ATXN2: variants seen among roughly 807,000 people sequenced by gnomAD.
ATXN2 encodes ataxin 2.
ATXN2 carries 37 observed loss-of-function variants against 138.6 expected under a neutral mutation model. The observed-to-expected ratio is 0.27, with a 90% CI of 0.21 to 0.35. ATXN2 has a LOEUF of 0.35. Among genes scored for constraint, ATXN2 ranks in the 10% least tolerant of loss-of-function variants. The pLI is 1.00. For missense variants in ATXN2, 1,216 were observed against 1,480.3 expected (o/e 0.82, Z 2.93); for synonymous variants, 549 against 543.7 (o/e 1.01, Z -0.13).
At chr12:111,507,872 T>C (rs1404289621) in intron 14 of ATXN2, among the ~76,000 whole-genome samples, 1 of 152,238 alleles carries the variant, frequency 6.6e-6, no homozygotes, top group Non-Finnish European at 1.5e-5. Context: ...CCCAACCCTG[T>C]GCTCTCTGAA....
At chr12:111,555,748 A>G in intron 2 of ATXN2, 135 bp downstream of exon 2, 2 of 691,530 alleles carry the variant, frequency 2.9e-6, no homozygotes, top group South Asian at 4.0e-5. Flanking sequence ...ATAGGCTAAT[A>G]ACATACTTAA....
In ATXN2 at chr12:111,586,811, G is replaced by A. The variant is rs566838066; in HGVS notation, c.251+11973C>T. Among the ~76,000 whole-genome samples, 10 of 152,064 alleles carry A rather than the reference G, an allele frequency of 6.6e-5. No individual in the cohort carries two copies. The South Asian group carries it at 1.5e-3, about 22-fold the overall frequency. On this transcript the variant is annotated intron_variant, in intron 1 of 24. Transcript: ENST00000673436. ...GCTGGGATTACAAGCGTGAGCCACC[G>A]CACCCAGCTAAGTCTTTCAACTTTC... is the stretch of plus-strand genomic sequence containing the variant.
chr12:111,520,888 G>A lies in ATXN2; in HGVS notation c.782C>T (p.Ser261Leu), dbSNP rs1592857396. 5 of 1,554,292 alleles carry A rather than the reference G, an allele frequency of 3.2e-6. No homozygotes were observed. Among genetic ancestry groups the A allele is most frequent in the Non-Finnish European group, 4.4e-6 (5 of 1,145,996 alleles). Residue 261 changes from serine to leucine, a missense_variant, in exon 7 of 25, where the codon TCG becomes TTG. By Grantham distance (145) the Ser-to-Leu change is moderately radical. Around this residue, in one of 4 missense-constraint regions of ATXN2, gnomAD observed 401 missense variants for 528.1 expected, o/e 0.76. Coordinates refer to ENST00000673436, the MANE Select transcript of ATXN2 (RefSeq NM_001372574.1). ...VVSTYDSSLS[S>L]YTVPLERDNS... The stretch of plus-strand genomic sequence containing the variant: ...ACAAACTTTTCAAACTTACGTATAC[G>A]AAGATAAACTGCTATCATACGTAGA...
At chr12:111,475,019 C>G (rs1189264173) in intron 18 of ATXN2, among the ~76,000 whole-genome samples, 2 of 152,100 alleles carry the variant, frequency 1.3e-5, no homozygotes, top group African/African-American at 4.8e-5. Context: ...CGATACCATC[C>G]TGGCTAACAC....
chr12:111,571,312 C>A (rs972765127), intron 1 of ATXN2, among the ~76,000 whole-genome samples: 1 of 152,204 alleles, frequency 6.6e-6, no homozygotes, highest in Non-Finnish European at 1.5e-5. Context: ...TAACTTTAGG[C>A]ATTCTCCACA....
intron 12 of ATXN2, 25 bp downstream of exon 12, chr12:111,510,360 G>C (rs1358744949): frequency 6.2e-7 from 1 of 1,600,902 alleles, no homozygotes; most frequent in Non-Finnish European, 8.5e-7. Context: ...TGAGATTATG[G>C]ATCCAGAAGC....
chr12:111,463,955 T>A (rs974207458), intron 21 of ATXN2, among the ~76,000 whole-genome samples: 2 of 152,046 alleles, frequency 1.3e-5, no homozygotes, highest in African/African-American at 4.8e-5. Flanking sequence ...CATGGCTGAT[T>A]TTTGTATTTT....
intron 7 of ATXN2, among the ~76,000 whole-genome samples, chr12:111,520,434 C>T (rs866928027): frequency 2.2e-4 from 34 of 152,034 alleles, no homozygotes; most frequent in South Asian, 8.3e-4. Context: ...AGGTGGATCA[C>T]GAGGTGAAGA....
intron 5 of ATXN2, among the ~76,000 whole-genome samples, chr12:111,535,771 T>C (rs596853): frequency 0.31 from 46,235 of 151,486 alleles, 9,077 homozygotes; most frequent in African/African-American, 0.56. Flanking sequence ...GAGGCCGAGG[T>C]GGGCGGATCA....
Position 111,488,494 on chromosome 12 carries a change from T to C in ATXN2, c.2222A>G (p.Glu741Gly). 1.9e-6 allele frequency: 3 copies of C among 1,611,200 alleles called. No homozygotes were observed. Among genetic ancestry groups the C allele is most frequent in the South Asian group, 1.1e-5 (1 of 90,772 alleles). Residue 741 changes from glutamate to glycine, a missense_variant, in exon 15 of 25, where the codon GAG becomes GGG. By Grantham distance (98) the Glu-to-Gly change is moderately conservative. Coordinates refer to ENST00000673436, the MANE Select transcript of ATXN2 (RefSeq NM_001372574.1). Reference protein sequence around the residue: ...ACKQEKDDKEEKKDAAEQVRK... With the variant: ...ACKQEKDDKEGKKDAAEQVRK... ...TACTCACTCAGCTGCGTCTTTCTTC[T>C]CTTCCTTATCGTCTTTCTCTTGTTT...
chr12:111,500,772 C>G (rs1392627064), intron 14 of ATXN2, among the ~76,000 whole-genome samples: 1 of 152,132 alleles, frequency 6.6e-6, no homozygotes, highest in Non-Finnish European at 1.5e-5. Context: ...AGTCAGGAGG[C>G]TGAGGCAGGA....
At chr12:111,539,545 A>G (rs534494084) in intron 5 of ATXN2, among the ~76,000 whole-genome samples, 1 of 150,154 alleles carries the variant, frequency 6.7e-6, no homozygotes, top group Non-Finnish European at 1.5e-5. Flanking sequence ...CAGGAGATTG[A>G]GACCACCTTG....
rs185694575 is a variant in ATXN2 at position 111,584,407 on chromosome 12, A to C, written c.251+14377T>G. 1.1e-3 allele frequency among the ~76,000 whole-genome samples: 162 copies of C among 145,974 alleles called. 2 individuals carry two copies. Among genetic ancestry groups the C allele is most frequent in the African/African-American group, 4.2e-3 (157 of 37,624 alleles). ...AAAAAAAAAAAAAAAAAAAAAAAAA[A>C]AAAATTCATTGAACTGTTGCTGCTC... On this transcript the variant is annotated intron_variant, in intron 1 of 24. Coordinates refer to ENST00000673436, the MANE Select transcript of ATXN2 (RefSeq NM_001372574.1).
intron 1 of ATXN2, among the ~76,000 whole-genome samples, chr12:111,566,357 G>A (rs948258588): frequency 5.3e-5 from 8 of 150,978 alleles, no homozygotes; most frequent in Admixed American, 6.6e-5. Flanking sequence ...GCTTGAACCC[G>A]GGAGGCGGAG....
chr12:111,452,886 A>C, intron 24 of ATXN2, 46 bp from the exon 25 acceptor site: 2 of 1,600,924 alleles, frequency 1.2e-6, no homozygotes, highest in Non-Finnish European at 1.7e-6. Context: ...TGGCAACACC[A>C]CACATCAGCC....
At chr12:111,558,345 C>CCG (rs1349667193) in intron 1 of ATXN2, among the ~76,000 whole-genome samples, 1 of 152,090 alleles carries the variant, frequency 6.6e-6, no homozygotes, top group African/African-American at 2.4e-5. Context: ...AAATACTGAA[C>CCG]CGCAATAAAC....
intron 14 of ATXN2, among the ~76,000 whole-genome samples, chr12:111,500,808 G>C (rs775890815): frequency 6.6e-6 from 1 of 152,216 alleles, no homozygotes; most frequent in African/African-American, 2.4e-5. Flanking sequence ...TGGAGGCGGA[G>C]GTTGCAGTGA....
intron 3 of ATXN2, among the ~76,000 whole-genome samples, chr12:111,553,384 A>G (rs899077912): frequency 2.0e-5 from 3 of 152,004 alleles, no homozygotes; most frequent in African/African-American, 7.3e-5. Context: ...TCACTTACAT[A>G]AAATGTAATA....
chr12:111,596,005 C>T (rs1884921667), intron 1 of ATXN2, among the ~76,000 whole-genome samples: 1 of 152,106 alleles, frequency 6.6e-6, no homozygotes, highest in African/African-American at 2.4e-5. Context: ...CGAGACCAGC[C>T]TGGCCAACAT....
Sources: allele counts gnomAD v4.1 joint callset (sites outside exome capture counted in the v4.1 genomes callset), GRCh38; gene constraint gnomAD v4.1.1; regional missense constraint gnomAD v4.1.1; transcripts MANE v1.5; gene names NCBI Gene and HGNC (gene_info 2026-07-23, HGNC 2026-07-21).